Variants in MAML1 observed in about 807,000 individuals in gnomAD.
The protein encoded by MAML1 is mastermind-like protein 1.
MAML1 carries 14 observed loss-of-function variants against 77.1 expected under a neutral mutation model. The ratio of observed to expected loss-of-function variants is 0.18; its 90% CI spans 0.12 to 0.28. The LOEUF (loss-of-function observed/expected upper bound fraction) is 0.28, where lower values mean the gene tolerates loss of function less well. Ranked by LOEUF, MAML1 falls within the 10% of genes least tolerant of loss-of-function variation. The probability of loss-of-function intolerance (pLI) is 1.00; values close to 1 mark genes in which losing one functional copy is unlikely to be tolerated. For synonymous variants in MAML1, 516 were observed against 551.9 expected, an observed-to-expected ratio of 0.93 and a Z score of 0.91; for missense variants, 1,217 against 1,327.8, an observed-to-expected ratio of 0.92 and a Z score of 1.30.
intron 1 of MAML1, among the ~76,000 whole-genome samples, chr5:179,736,084 G>A (rs79873643): frequency 0.013 from 2,016 of 152,278 alleles, 37 homozygotes; most frequent in African/African-American, 0.046. Context: ...TCACACTTGG[G>A]TAGTACACAT....
chr5:179,742,362 G>A (rs1779299718), intron 1 of MAML1, among the ~76,000 whole-genome samples: 1 of 151,632 alleles, frequency 6.6e-6, no homozygotes, highest in Non-Finnish European at 1.5e-5. Flanking sequence ...GGTGGTACGT[G>A]CCTGTAATCC....
intron 1 of MAML1, among the ~76,000 whole-genome samples, chr5:179,733,695 C>T (rs1293945824): frequency 6.6e-6 from 1 of 152,232 alleles, no homozygotes; most frequent in Non-Finnish European, 1.5e-5. Context: ...GAGGGTTTTT[C>T]TTCCAGACTT....
Position 179,765,345 on chromosome 5 carries a change from A to G in MAML1, c.335A>G (p.Lys112Arg), listed in dbSNP as rs371142896. 4.4e-6 allele frequency: 7 copies of G among 1,604,840 alleles called. No homozygotes were observed. Among genetic ancestry groups the G allele is most frequent in the Non-Finnish European group, 5.9e-6 (7 of 1,176,572 alleles). Residue 112 changes from lysine (K) to arginine (R), a missense_variant, in exon 2 of 5, where the codon AAG (lysine) becomes AGG (arginine). By Grantham distance (26) the Lys-to-Arg change is conservative. Coordinates refer to ENST00000292599, the MANE Select transcript of MAML1 (RefSeq NM_014757.5). ...RPATHLHDTV[K>R]RNLDSATSPQ... The stretch of plus-strand genomic sequence containing the variant: ...TTTCAGCATCTTCATGATACAGTTA[A>G]GAGGAATCTTGACAGCGCCACTTCC...
intron 4 of MAML1, among the ~76,000 whole-genome samples, chr5:179,772,173 C>T (rs1756009597): frequency 6.6e-6 from 1 of 152,196 alleles, no homozygotes; most frequent in Admixed American, 6.5e-5. Context: ...GGCTGCAGTG[C>T]AGTGGCACGA....
chr5:179,762,938 A>C (rs1779749152), intron 1 of MAML1, among the ~76,000 whole-genome samples: 1 of 152,358 alleles, frequency 6.6e-6, no homozygotes, highest in South Asian at 2.1e-4. Flanking sequence ...CAGTTGTTAC[A>C]TTGGAACTTG....
Position 179,733,284 on chromosome 5 carries a change from G to T in MAML1, c.172G>T (p.Ala58Ser), listed in dbSNP as rs939274021. The change falls in exon 1 of 5, where the codon GCC (alanine) becomes TCC (serine). Residue 58 changes from alanine (A) to serine (S), a missense_variant. Transcript: ENST00000292599. Reference sequence around the variant, plus strand: ...GGAGCTGGAGCGCCAACACACCTTCGCCCTGCACCAGCGCTGCATCCAGGC... The same window carrying T: ...GGAGCTGGAGCGCCAACACACCTTCTCCCTGCACCAGCGCTGCATCCAGGC... ...RLELERQHTF[A>S]LHQRCIQAKA... 3 of 1,456,636 alleles carry T rather than the reference G, an allele frequency of 2.1e-6. No homozygotes were observed. Among genetic ancestry groups the T allele is most frequent in the East Asian group, 6.3e-5 (2 of 31,818 alleles). The allele number at this position is 1,456,636 out of a possible 1,614,324, so 90.2% of individuals were successfully genotyped here.
rs1719989803 is a variant in MAML1, at chr5:179,775,710, A to C, written c.*833A>C. 1.0e-6 allele frequency: 1 copy of C among 985,296 alleles called. No homozygotes were observed. The highest frequency in any genetic ancestry group is 6.1e-5 in the Admixed American group (1 of 16,264). The allele number at this position is 985,296 out of a possible 1,614,324, so 61.0% of individuals were successfully genotyped here. A position where few individuals can be genotyped will look rare whatever the true frequency, so the allele number is the denominator to read the frequency against. On this transcript the variant is annotated 3_prime_UTR_variant, in exon 5 of 5. Transcript: ENST00000292599. ...GTATCCTGGAGTATTATGTCTCCCC[A>C]CCTTCTGCAGTTTTCTCTGAACATG...
At chr5:179,758,099 A>G (rs1243594288) in intron 1 of MAML1, among the ~76,000 whole-genome samples, 1 of 152,196 alleles carries the variant, frequency 6.6e-6, no homozygotes, top group Non-Finnish European at 1.5e-5. Context: ...ATGTATAATT[A>G]TTTCAAAAAC....
chr5:179,776,351 G>A lies in MAML1; in HGVS notation c.*1474G>A. ...AGGAAAATACTCATGCAACCAGCCT[G>A]AGTCGCGGTGAGGGGACGAGAGGTT... On this transcript the variant is annotated 3_prime_UTR_variant, in exon 5 of 5. Coordinates refer to ENST00000292599, the MANE Select transcript of MAML1 (RefSeq NM_014757.5). 1.0e-6 allele frequency: 1 copy of A among 985,874 alleles called. No individual in the cohort carries two copies. Among genetic ancestry groups the A allele is most frequent in the Non-Finnish European group, 1.2e-6 (1 of 829,948 alleles). 61.1% of individuals were successfully genotyped at this position (985,874 alleles called of 1,614,324 possible). A position where few individuals can be genotyped will look rare whatever the true frequency, so the allele number is the denominator to read the frequency against.
rs1003097728 is a variant in MAML1 at position 179,741,013 on chromosome 5, A to G, written c.315+7586A>G. On this transcript the variant is annotated intron_variant, in intron 1 of 4. Coordinates refer to ENST00000292599, the MANE Select transcript of MAML1 (RefSeq NM_014757.5). ...GTCCAGATCTGTCTTCCAGATTTCA[A>G]ATCCACATTTCCAGCTGTCTGCTGG... Among the ~76,000 whole-genome samples the G allele has an allele frequency of 2.6e-5, 4 of 152,088 alleles. No homozygotes were observed. The East Asian group carries it at 5.8e-4, about 22-fold the overall frequency.
intron 1 of MAML1, among the ~76,000 whole-genome samples, chr5:179,759,468 G>A (rs1418826542): frequency 1.3e-5 from 2 of 152,224 alleles, no homozygotes; most frequent in African/African-American, 4.8e-5. Flanking sequence ...GGGTCAGCAA[G>A]CACATGACTT....
chr5:179,751,711 A>G (rs2113352724), intron 1 of MAML1, among the ~76,000 whole-genome samples: 1 of 152,172 alleles, frequency 6.6e-6, no homozygotes, highest in African/African-American at 2.4e-5. Context: ...TCTCAAAAAA[A>G]GAAAAAAATA....
Position 179,775,285 on chromosome 5 carries a change from C to G in MAML1, c.*408C>G. ...TGCTGGGGACAAGTTTCTGTTGAAA[C>G]TTTAGATAGCAGAATTATTTGCAAT... On this transcript the variant is annotated 3_prime_UTR_variant, in exon 5 of 5. Coordinates refer to ENST00000292599, the MANE Select transcript of MAML1 (RefSeq NM_014757.5). The G allele has an allele frequency of 1.0e-6, 1 of 996,830 alleles. No individual in the cohort carries two copies. The highest frequency in any genetic ancestry group is 4.7e-5 in the South Asian group (1 of 21,504). 61.7% of individuals were successfully genotyped at this position (996,830 alleles called of 1,614,324 possible).
intron 1 of MAML1, among the ~76,000 whole-genome samples, chr5:179,748,542 A>T (rs6896036): frequency 1.3e-5 from 2 of 152,244 alleles, no homozygotes. Context: ...GCATATCAAT[A>T]AAATTTAAGG....
At chr5:179,759,371 T>C (rs1779683675) in intron 1 of MAML1, among the ~76,000 whole-genome samples, 2 of 152,202 alleles carry the variant, frequency 1.3e-5, no homozygotes, top group Admixed American at 6.5e-5. Flanking sequence ...AGGGTTGTTT[T>C]GAAGGTTGAG....
chr5:179,737,358 T>C (rs1779188316), intron 1 of MAML1, among the ~76,000 whole-genome samples: 1 of 152,182 alleles, frequency 6.6e-6, no homozygotes, highest in Non-Finnish European at 1.5e-5. Context: ...AGAAGATAAG[T>C]ATCATTAAGA....
chr5:179,763,055 C>G (rs777617417), intron 1 of MAML1, among the ~76,000 whole-genome samples: 1 of 152,200 alleles, frequency 6.6e-6, no homozygotes, highest in African/African-American at 2.4e-5. Context: ...GCTGACTCAT[C>G]AAGTGCCTTG....
chr5:179,753,312 A>G (rs1779541623), intron 1 of MAML1, among the ~76,000 whole-genome samples: 1 of 151,764 alleles, frequency 6.6e-6, no homozygotes, highest in African/African-American at 2.4e-5. Context: ...TGATTTCACT[A>G]CTCAATTAAA....
At chr5:179,753,210 TGTGTGTGTGTGTGCGC>T (rs910846082) in intron 1 of MAML1, among the ~76,000 whole-genome samples, 9 of 118,192 alleles carry the variant, frequency 7.6e-5, no homozygotes, top group South Asian at 5.9e-4. Flanking sequence ...TGTGTGTGTG[TGTGTGTGTGTGTGCGC>T]GCGCGCGCGC....
Sources: gnomAD v4.1 joint callset for allele counts (sites outside exome capture counted in the v4.1 genomes callset) on GRCh38, gnomAD v4.1.1 for gene constraint, MANE v1.5 for transcripts, NCBI Gene and HGNC (gene_info 2026-07-23, HGNC 2026-07-21) for gene names.